ZBTB44: variants seen among roughly 807,000 people sequenced by gnomAD.
ZBTB44 encodes zinc finger and BTB domain-containing protein 44.
In ZBTB44, 15 loss-of-function variants were observed where a neutral mutation model predicts 54.0. The observed-to-expected ratio is 0.28, with a 90% CI of 0.19 to 0.43. The LOEUF is 0.43. Ranked by LOEUF, ZBTB44 falls within the 20% of genes least tolerant of loss-of-function variation. ZBTB44 has a pLI of 1.00. For missense variants in ZBTB44, 487 were observed against 707.1 expected (o/e 0.69, Z 3.53); for synonymous variants, 230 against 250.1 (o/e 0.92, Z 0.76).
intron 1 of ZBTB44, among the ~76,000 whole-genome samples, chr11:130,290,951 C>T (rs1426157146): frequency 7.9e-5 from 12 of 152,156 alleles, no homozygotes; most frequent in Admixed American, 7.9e-4. Flanking sequence ...CTCTCCCTCC[C>T]TGCTCTGCAA....
chr11:130,254,775 C>T (rs1256456434), intron 2 of ZBTB44, among the ~76,000 whole-genome samples: 2 of 151,996 alleles, frequency 1.3e-5, no homozygotes, highest in South Asian at 2.1e-4. Flanking sequence ...CACGTGCACA[C>T]GTATGTTTAT....
intron 1 of ZBTB44, among the ~76,000 whole-genome samples, chr11:130,265,973 ACACT>A (rs1939220232): frequency 3.3e-5 from 5 of 152,254 alleles, no homozygotes; most frequent in Middle Eastern, 3.2e-3. Flanking sequence ...GAAGGTGGCT[ACACT>A]AAACAGCAGG....
At position 130,230,365 on chromosome 11, in the gene ZBTB44, G is replaced by A. The variant is rs987024009; in HGVS notation, c.*1399C>T. On this transcript the variant is annotated 3_prime_UTR_variant, in exon 8 of 8. Transcript: ENST00000357899. The stretch of plus-strand genomic sequence containing the variant: ...TTACCAATAATTATGGACATCAGAT[G>A]TATTGACTAGTCTATTTCATTTGGC... The A allele has an allele frequency of 1.4e-5, 2 of 145,146 alleles. No individual in the cohort carries two copies. Among genetic ancestry groups the A allele is most frequent in the Non-Finnish European group, 3.0e-5 (2 of 66,308 alleles). 9.0% of individuals were successfully genotyped at this position (145,146 alleles called of 1,614,324 possible).
intron 2 of ZBTB44, among the ~76,000 whole-genome samples, chr11:130,243,775 C>T (rs1242020250): frequency 2.6e-5 from 4 of 152,200 alleles, no homozygotes; most frequent in African/African-American, 9.7e-5. Context: ...AATGATTGTA[C>T]TAAATTTACA....
intron 1 of ZBTB44, among the ~76,000 whole-genome samples, chr11:130,290,455 A>T (rs1318172422): frequency 6.6e-6 from 1 of 152,196 alleles, no homozygotes; most frequent in Non-Finnish European, 1.5e-5. Flanking sequence ...TTTTCCTCCT[A>T]ACACAGACCT....
At chr11:130,254,351 A>T (rs1445154218) in intron 2 of ZBTB44, among the ~76,000 whole-genome samples, 1 of 152,154 alleles carries the variant, frequency 6.6e-6, no homozygotes, top group Non-Finnish European at 1.5e-5. Context: ...GAATCTACAA[A>T]GAACTCAAAC....
In ZBTB44 at chr11:130,261,915, T is replaced by C; in HGVS notation, c.-42A>G. The C allele has an allele frequency of 6.5e-7, 1 of 1,527,742 alleles. No homozygotes were observed. Among genetic ancestry groups the C allele is most frequent in the Non-Finnish European group, 8.8e-7 (1 of 1,140,300 alleles). The allele number at this position is 1,527,742 out of a possible 1,614,324, so 94.6% of individuals were successfully genotyped here. On this transcript the variant is annotated 5_prime_UTR_variant, in exon 2 of 8. Coordinates refer to ENST00000357899, the MANE Select transcript of ZBTB44 (RefSeq NM_001301098.2). This position sits in a 1 kb window ranked among gnomAD's most constrained non-coding sequence, Gnocchi z 4.8. Reference sequence around the variant, plus strand: ...TACAGATGCTCTTCAAGGATGCAAATAAATCAGAAATGTCCTAAAAAATAC... The same window carrying C: ...TACAGATGCTCTTCAAGGATGCAAACAAATCAGAAATGTCCTAAAAAATAC...
intron 1 of ZBTB44, chr11:130,285,071 G>A (rs1043728465): frequency 6.1e-6 from 1 of 162,636 alleles, no homozygotes; most frequent in Middle Eastern, 1.7e-3. Flanking sequence ...CTGGCTGAAA[G>A]GTTTTACCAG....
chr11:130,290,454 T>G (rs1941235991), intron 1 of ZBTB44, among the ~76,000 whole-genome samples: 1 of 152,240 alleles, frequency 6.6e-6, no homozygotes, highest in Non-Finnish European at 1.5e-5. Context: ...CTTTTCCTCC[T>G]AACACAGACC....
At chr11:130,311,192 G>T (rs1201594303) in intron 1 of ZBTB44, among the ~76,000 whole-genome samples, 1 of 152,112 alleles carries the variant, frequency 6.6e-6, no homozygotes, top group African/African-American at 2.4e-5. Context: ...TGTATACAGT[G>T]GGAGAAAGCA....
At chr11:130,259,013 T>C (rs1474859969) in intron 2 of ZBTB44, among the ~76,000 whole-genome samples, 2 of 152,232 alleles carry the variant, frequency 1.3e-5, no homozygotes, top group Non-Finnish European at 2.9e-5. Flanking sequence ...GGAATATAAC[T>C]TACAAGGGAT....
Position 130,261,870 on chromosome 11 carries a change from C to T in ZBTB44, c.4G>A (p.Gly2Ser), listed in dbSNP as rs764737281. 2 of 1,599,634 alleles carry T rather than the reference C, an allele frequency of 1.3e-6. No individual in the cohort carries two copies. The highest frequency in any genetic ancestry group is 3.4e-5 in the Admixed American group (2 of 59,220). M[G>S]VKTFTHSSSS... ...GAGCTATGAGTAAATGTTTTCACAC[C>T]CATCTTTTACTTCCTCTTCTACAGA... The change falls in exon 2 of 8, where the codon GGT becomes AGT. Residue 2 changes from glycine to serine, a missense_variant. By Grantham distance (56) the Gly-to-Ser change is moderately conservative (BLOSUM62 0). Transcript: ENST00000357899. This position sits in a 1 kb window ranked among gnomAD's most constrained non-coding sequence, Gnocchi z 4.8.
intron 1 of ZBTB44, among the ~76,000 whole-genome samples, chr11:130,282,819 G>C (rs1182039751): frequency 6.6e-6 from 1 of 152,078 alleles, no homozygotes; most frequent in Non-Finnish European, 1.5e-5. Context: ...GATGTCATGT[G>C]TGTGACACAC....
chr11:130,289,980 A>C (rs858718), intron 1 of ZBTB44, among the ~76,000 whole-genome samples: 5,685 of 152,220 alleles, frequency 0.037, 159 homozygotes, highest in Non-Finnish European at 0.055. Flanking sequence ...AAAAGCTAAA[A>C]CCCCCAAATG....
At chr11:130,305,485 A>T (rs1016687534) in intron 1 of ZBTB44, among the ~76,000 whole-genome samples, 1 of 152,186 alleles carries the variant, frequency 6.6e-6, no homozygotes, top group African/African-American at 2.4e-5. Context: ...TTGACAAAGC[A>T]AACAAAAACA....
chr11:130,296,479 C>G (rs1565684265), intron 1 of ZBTB44: 1 of 1,069,714 alleles, frequency 9.3e-7, no homozygotes, highest in Non-Finnish European at 1.4e-6. Context: ...GATTTGGGAA[C>G]ACATTGTGTA....
chr11:130,280,043 G>C (rs1173442063), intron 1 of ZBTB44, among the ~76,000 whole-genome samples: 3 of 152,130 alleles, frequency 2.0e-5, no homozygotes, highest in Non-Finnish European at 2.9e-5. Flanking sequence ...AAGACTTCTA[G>C]GCTTGACTCA....
chr11:130,233,059 G>T, intron 7 of ZBTB44: 2 of 396,510 alleles, frequency 5.0e-6, no homozygotes, highest in Non-Finnish European at 8.9e-6. Flanking sequence ...TATTTATTAT[G>T]TCCAAAAGAG....
In ZBTB44 at chr11:130,261,037, C is replaced by T. The variant is rs1938826639; in HGVS notation, c.837G>A (p.Leu279=). 2 of 1,613,876 alleles carry T rather than the reference C, an allele frequency of 1.2e-6. No homozygotes were observed. Among genetic ancestry groups the T allele is most frequent in the Non-Finnish European group, 1.7e-6 (2 of 1,179,896 alleles). ...YVTCESTKTT[L]PLGTEEDVRV... ...GGACATCTTCTTCGGTACCTAAAGG[C>T]AAGGTAGTTTTTGTGCTCTCACAAG... The change falls in exon 2 of 8, where the codon TTG becomes TTA. Residue 279 remains leucine (L), a synonymous_variant. Transcript: ENST00000357899. This position sits in a 1 kb window ranked among gnomAD's most constrained non-coding sequence, Gnocchi z 4.8.
Sources: gnomAD v4.1 joint callset for allele counts (sites outside exome capture counted in the v4.1 genomes callset) on GRCh38, gnomAD v4.1.1 for gene constraint, Gnocchi (gnomAD v3.1) non-coding constraint, MANE v1.5 for transcripts, NCBI Gene and HGNC (gene_info 2026-07-23, HGNC 2026-07-21) for gene names.